ENAH: variants seen among roughly 807,000 people sequenced by gnomAD.
The protein encoded by ENAH is protein enabled homolog.
A neutral mutation model predicts 78.7 loss-of-function variants in ENAH; 23 were observed. The observed-to-expected ratio is 0.29, with a 90% CI of 0.21 to 0.41. The LOEUF is 0.41. Ranked by LOEUF, ENAH falls within the 10% of genes least tolerant of loss-of-function variation. ENAH has a pLI of 1.00. For missense variants in ENAH, 544 were observed against 691.0 expected (o/e 0.79, Z 2.39); for synonymous variants, 226 against 241.0 (o/e 0.94, Z 0.58).
At chr1:225,638,041 C>T (rs1487082588) in intron 1 of ENAH, among the ~76,000 whole-genome samples, 1 of 152,092 alleles carries the variant, frequency 6.6e-6, no homozygotes, top group Non-Finnish European at 1.5e-5. Context: ...ATGCCCAATC[C>T]ATAAAAACTC....
At position 225,653,042 on chromosome 1, in the gene ENAH, G is replaced by A. The variant is rs1663341869; in HGVS notation, c.-352C>T. On this transcript the variant is annotated 5_prime_UTR_variant, in exon 1 of 14. Coordinates refer to ENST00000366843, the MANE Select transcript of ENAH (RefSeq NM_018212.6). This position sits in a 1 kb window ranked among gnomAD's most constrained non-coding sequence, Gnocchi z 4.3. ...GCCCGCCGGGGCCGCGCGCCCGGCC[G>A]CCGCTCCACAGGCCCGCGCTCGCCG... The A allele has an allele frequency of 5.7e-6, 1 of 176,422 alleles. No individual in the cohort carries two copies. The highest frequency in any genetic ancestry group is 2.2e-3 in the Middle Eastern group (1 of 454). The allele number at this position is 176,422 out of a possible 1,614,324, so 10.9% of individuals were successfully genotyped here. A position where few individuals can be genotyped will look rare whatever the true frequency, so the allele number is the denominator to read the frequency against.
rs755928683 is a variant in ENAH at position 225,517,503 on chromosome 1, G to C, written c.803-197C>G. ...ATGTTACAGAGTCAACCAGCCCATTGGGTGCTGTCGGTGATGGAGGCATTT... is the reference window on the plus strand; with the variant it reads ...ATGTTACAGAGTCAACCAGCCCATTCGGTGCTGTCGGTGATGGAGGCATTT... On this transcript the variant is annotated intron_variant, in intron 5 of 13. Transcript: ENST00000366843. The C allele has an allele frequency of 1.9e-6, 3 of 1,551,696 alleles. No individual in the cohort carries two copies. In the South Asian group the frequency reaches 3.6e-5, roughly 18 times the overall value.
intron 3 of ENAH, among the ~76,000 whole-genome samples, chr1:225,545,706 T>TGAA (rs2096609591): frequency 6.6e-6 from 1 of 152,118 alleles, no homozygotes; most frequent in African/African-American, 2.4e-5. Context: ...TGAAGTATAA[T>TGAA]GAAGAAGATC....
At position 225,492,810 on chromosome 1, in the gene ENAH, A is replaced by G. The variant is rs747229789; in HGVS notation, c.*4965T>C. The stretch of plus-strand genomic sequence containing the variant: ...AGATTTCAACAGAAATAACCAATAA[A>G]TGTGGCAGACATTCTTACAACATCC... On this transcript the variant is annotated 3_prime_UTR_variant, in exon 14 of 14. Transcript: ENST00000366843. 4.6e-5 allele frequency: 7 copies of G among 151,772 alleles called. No homozygotes were observed. Among genetic ancestry groups the G allele is most frequent in the Non-Finnish European group, 7.4e-5 (5 of 68,012 alleles). The allele number at this position is 151,772 out of a possible 1,614,324, so 9.4% of individuals were successfully genotyped here.
In ENAH at chr1:225,490,710, G is replaced by A. The variant is rs1381322806; in HGVS notation, c.*7065C>T. 2.6e-5 allele frequency: 4 copies of A among 152,204 alleles called. No individual in the cohort carries two copies. The highest frequency in any genetic ancestry group is 1.3e-4 in the Admixed American group (2 of 15,282). 9.4% of individuals were successfully genotyped at this position (152,204 alleles called of 1,614,324 possible). On this transcript the variant is annotated 3_prime_UTR_variant, in exon 14 of 14. Coordinates refer to ENST00000366843, the MANE Select transcript of ENAH (RefSeq NM_018212.6). Reference sequence around the variant, plus strand: ...TAAAGAAGAAAGGAAATGCTACCTAGATTTTAACAGGGCTTTCTTCTCAAT... The same window carrying A: ...TAAAGAAGAAAGGAAATGCTACCTAAATTTTAACAGGGCTTTCTTCTCAAT...
At chr1:225,530,518 TAAAGAA>T in intron 4 of ENAH, 30 bp downstream of exon 4, 1 of 1,533,540 alleles carries the variant, frequency 6.5e-7, no homozygotes, top group Non-Finnish European at 9.0e-7. Flanking sequence ...TTCTGAAGCA[TAAAGAA>T]AAAGTACAAA....
chr1:225,535,518 C>A (rs1438872492), intron 3 of ENAH: 1 of 1,302,988 alleles, frequency 7.7e-7, no homozygotes, highest in Non-Finnish European at 1.0e-6. Flanking sequence ...ACAGAAAATA[C>A]ATCGCAAATT....
At chr1:225,646,026 T>G (rs2148484928) in intron 1 of ENAH, among the ~76,000 whole-genome samples, 1 of 152,318 alleles carries the variant, frequency 6.6e-6, no homozygotes, top group African/African-American at 2.4e-5. Context: ...CTAGAAAATT[T>G]AACGGATATC....
At chr1:225,570,754 TG>T (rs200754762) in intron 1 of ENAH, among the ~76,000 whole-genome samples, 6,523 of 147,952 alleles carry the variant, frequency 0.044, 227 homozygotes, top group South Asian at 0.11. Context: ...GGTGAGGAGT[TG>T]GGAGACCAGC....
intron 1 of ENAH, among the ~76,000 whole-genome samples, chr1:225,625,462 C>T: frequency 6.6e-6 from 1 of 152,176 alleles, no homozygotes; most frequent in East Asian, 1.9e-4. Flanking sequence ...CTACATTCCT[C>T]CACAAACTCT....
chr1:225,548,585 G>A (rs1045336373), intron 3 of ENAH, among the ~76,000 whole-genome samples: 1 of 152,220 alleles, frequency 6.6e-6, no homozygotes, highest in Non-Finnish European at 1.5e-5. Context: ...TAAATGGCCT[G>A]AAGGCTCGAA....
intron 3 of ENAH, among the ~76,000 whole-genome samples, chr1:225,544,390 CT>C (rs1471237617): frequency 1.3e-5 from 2 of 152,076 alleles, no homozygotes; most frequent in African/African-American, 4.8e-5. Context: ...TAAAATAAGC[CT>C]GGAAGAACTG....
At chr1:225,637,354 T>C (rs1660248428) in intron 1 of ENAH, among the ~76,000 whole-genome samples, 1 of 152,172 alleles carries the variant, frequency 6.6e-6, no homozygotes, top group Non-Finnish European at 1.5e-5. Flanking sequence ...ATTATAGGCA[T>C]GCGCCATCAC....
intron 1 of ENAH, among the ~76,000 whole-genome samples, chr1:225,589,507 G>C (rs56169721): frequency 0.097 from 14,764 of 152,108 alleles, 776 homozygotes; most frequent in Admixed American, 0.15. Context: ...TAATACTCAA[G>C]TCCCTTACAT....
At chr1:225,541,519 AC>A in intron 3 of ENAH, among the ~76,000 whole-genome samples, 1 of 152,322 alleles carries the variant, frequency 6.6e-6, no homozygotes, top group South Asian at 2.1e-4. Context: ...ACTGAATTGT[AC>A]CCTTTAAATG....
chr1:225,534,147 G>A (rs1440342929), intron 3 of ENAH, among the ~76,000 whole-genome samples: 2 of 152,110 alleles, frequency 1.3e-5, no homozygotes, highest in Non-Finnish European at 2.9e-5. Flanking sequence ...GCTAAAGAGA[G>A]TCCTAATAAC....
chr1:225,504,972 C>T (rs768230217), intron 11 of ENAH: 7 of 1,597,920 alleles, frequency 4.4e-6, no homozygotes, highest in South Asian at 1.1e-5. Flanking sequence ...CAAATCACAA[C>T]GTCACAGCAG....
intron 1 of ENAH, among the ~76,000 whole-genome samples, chr1:225,596,253 G>A (rs2096901441): frequency 6.6e-6 from 1 of 152,184 alleles, no homozygotes; most frequent in Non-Finnish European, 1.5e-5. Flanking sequence ...CGAATTTTCA[G>A]ATATTTTCCC....
rs761885803 is a variant in ENAH at position 225,567,321 on chromosome 1, G to C, written c.99C>G (p.Ser33Arg). The change falls in exon 2 of 14, where the codon AGC becomes AGG. Residue 33 changes from serine (S) to arginine (R), a missense_variant. Physicochemically the swap from Ser to Arg is moderately radical, Grantham distance 110. Coordinates refer to ENST00000366843, the MANE Select transcript of ENAH (RefSeq NM_018212.6). ...CTGTATGGTGATAGATATGAACTCTGCTGAATCCAGTTGAGCCACCAGCTG... is the reference window on the plus strand; with the variant it reads ...CTGTATGGTGATAGATATGAACTCTCCTGAATCCAGTTGAGCCACCAGCTG... ...WVPAGGSTGF[S>R]RVHIYHHTGN... 1.2e-6 allele frequency: 2 copies of C among 1,614,108 alleles called. No individual in the cohort carries two copies. Among genetic ancestry groups the C allele is most frequent in the Non-Finnish European group, 8.5e-7 (1 of 1,180,014 alleles).
Sources: allele counts gnomAD v4.1 joint callset (sites outside exome capture counted in the v4.1 genomes callset), GRCh38; gene constraint gnomAD v4.1.1; non-coding constraint Gnocchi (gnomAD v3.1); transcripts MANE v1.5; gene names NCBI Gene and HGNC (gene_info 2026-07-23, HGNC 2026-07-21).